The following GRK3 variants were observed in gnomAD, a reference collection of about 807,000 sequenced individuals.
The protein encoded by GRK3 is adrenergic, beta, receptor kinase 2.
Under a neutral mutation model 95.7 loss-of-function variants are expected in GRK3, and 54 were observed. The observed-to-expected ratio is 0.56, with a 90% CI of 0.45 to 0.71. The LOEUF is 0.71. Ranked by LOEUF, GRK3 falls within the 30% of genes least tolerant of loss-of-function variation. The pLI, the probability that GRK3 is intolerant of heterozygous loss-of-function variation, is 0.00. For synonymous variants in GRK3, 281 were observed against 290.8 expected, an observed-to-expected ratio of 0.97 and a Z score of 0.34; for missense variants, 649 against 851.2, an observed-to-expected ratio of 0.76 and a Z score of 2.96.
At chr22:25,620,915 A>T (rs2084580497) in intron 2 of GRK3, among the ~76,000 whole-genome samples, 1 of 152,252 alleles carries the variant, frequency 6.6e-6, no homozygotes, top group African/African-American at 2.4e-5. Context: ...GAATTCCATC[A>T]AGAAGACTGG....
In GRK3 at chr22:25,616,544, A is replaced by T. The variant is rs187541002; in HGVS notation, c.190+12091A>T. Among the ~76,000 whole-genome samples the T allele has an allele frequency of 9.9e-5, 15 of 152,244 alleles. No homozygotes were observed. In the East Asian group the frequency reaches 2.7e-3, roughly 27 times the overall value. ...CCAGGCCCCTCCTTCAACATTGGGG[A>T]TTATAATTCAACATGGGATTTGGGC... On this transcript the variant is annotated intron_variant, in intron 2 of 20. Transcript: ENST00000324198.
chr22:25,683,080 A>G (rs116478102), intron 9 of GRK3, among the ~76,000 whole-genome samples: 312 of 152,396 alleles, frequency 2.0e-3, no homozygotes, highest in African/African-American at 7.1e-3. Flanking sequence ...TATAGAGCCC[A>G]TTACCTAAGA....
At chr22:25,713,534 T>A (rs2085360519) in intron 17 of GRK3, among the ~76,000 whole-genome samples, 1 of 152,202 alleles carries the variant, frequency 6.6e-6, no homozygotes, top group African/African-American at 2.4e-5. Flanking sequence ...CCCTTCTCAG[T>A]ATTTTGCCTG....
intron 3 of GRK3, among the ~76,000 whole-genome samples, chr22:25,658,917 A>T (rs922302573): frequency 6.6e-6 from 1 of 152,098 alleles, no homozygotes; most frequent in Non-Finnish European, 1.5e-5. Context: ...TAAGGGTTTC[A>T]TTTAGATGTG....
rs188228651 is a variant in GRK3 at position 25,577,241 on chromosome 22, C to T, written c.113+12088C>T. Among the ~76,000 whole-genome samples the T allele has an allele frequency of 8.6e-5, 13 of 151,388 alleles. 1 individual carries two copies. The East Asian group carries it at 1.9e-3, about 23-fold the overall frequency. On this transcript the variant is annotated intron_variant, in intron 1 of 20. Transcript: ENST00000324198. Reference sequence around the variant, plus strand: ...AGGCTGGAGTGCAGCGGTGTGATCTCGGCTCACTGTAACCTCCGCCTCCCA... The same window carrying T: ...AGGCTGGAGTGCAGCGGTGTGATCTTGGCTCACTGTAACCTCCGCCTCCCA...
chr22:25,645,141 G>C (rs890313813), intron 3 of GRK3, among the ~76,000 whole-genome samples: 4 of 152,134 alleles, frequency 2.6e-5, no homozygotes, highest in African/African-American at 9.7e-5. Context: ...AAGAAATTTG[G>C]TGAAATCTGA....
At chr22:25,712,776 A>C (rs1412029740) in intron 17 of GRK3, among the ~76,000 whole-genome samples, 1 of 152,218 alleles carries the variant, frequency 6.6e-6, no homozygotes, top group Non-Finnish European at 1.5e-5. Context: ...ATGCTTGACA[A>C]ACTAGTAGCT....
At chr22:25,582,418 A>C (rs1305547222) in intron 1 of GRK3, among the ~76,000 whole-genome samples, 1 of 152,212 alleles carries the variant, frequency 6.6e-6, no homozygotes, top group African/African-American at 2.4e-5. Flanking sequence ...ACATATTTCT[A>C]GACAGGAAAA....
At chr22:25,609,838 A>AT (rs1355513991) in intron 2 of GRK3, among the ~76,000 whole-genome samples, 2 of 144,244 alleles carry the variant, frequency 1.4e-5, no homozygotes, top group Admixed American at 6.9e-5. Flanking sequence ...AAACTTTGCA[A>AT]TTTTTACTTT....
chr22:25,628,559 A>G (rs919022043), intron 2 of GRK3, among the ~76,000 whole-genome samples: 1 of 152,266 alleles, frequency 6.6e-6, no homozygotes, highest in Non-Finnish European at 1.5e-5. Context: ...TCTCCAAGGC[A>G]TAGTGTTTTG....
At chr22:25,652,852 A>T (rs2084843641) in intron 3 of GRK3, among the ~76,000 whole-genome samples, 1 of 152,150 alleles carries the variant, frequency 6.6e-6, no homozygotes, top group Non-Finnish European at 1.5e-5. Context: ...TATACTTACC[A>T]TTGTGTTACA....
chr22:25,681,449 C>T (rs2085073368), intron 9 of GRK3, among the ~76,000 whole-genome samples: 1 of 151,616 alleles, frequency 6.6e-6, no homozygotes, highest in African/African-American at 2.4e-5. Context: ...CTCCTCTGAG[C>T]CCAGGCACGT....
intron 1 of GRK3, among the ~76,000 whole-genome samples, chr22:25,572,384 G>A (rs1434697891): frequency 6.6e-6 from 1 of 152,164 alleles, no homozygotes; most frequent in Non-Finnish European, 1.5e-5. Context: ...GTAATGGGAT[G>A]GCTGGGTCAA....
At chr22:25,669,994 G>A (rs887056390) in intron 6 of GRK3, among the ~76,000 whole-genome samples, 1 of 152,148 alleles carries the variant, frequency 6.6e-6, no homozygotes, top group Non-Finnish European at 1.5e-5. Flanking sequence ...TTAAAAAATA[G>A]GTTGAAATAA....
intron 18 of GRK3, among the ~76,000 whole-genome samples, chr22:25,715,819 A>G (rs1168858026): frequency 6.6e-6 from 1 of 152,212 alleles, no homozygotes; most frequent in Admixed American, 6.5e-5. Flanking sequence ...GCATCTTGGT[A>G]TAGGATTCCT....
intron 2 of GRK3, among the ~76,000 whole-genome samples, chr22:25,639,363 A>C (rs2084726663): frequency 6.6e-6 from 1 of 152,166 alleles, no homozygotes; most frequent in African/African-American, 2.4e-5. Context: ...AATTCTTTAT[A>C]AGGTGTGAGG....
At chr22:25,700,718 G>A (rs2085251859) in intron 13 of GRK3, among the ~76,000 whole-genome samples, 1 of 152,118 alleles carries the variant, frequency 6.6e-6, no homozygotes, top group Non-Finnish European at 1.5e-5. Context: ...CTCCCGAGTA[G>A]CTGGGACTAC....
At chr22:25,570,116 T>C (rs1350881111) in intron 1 of GRK3, among the ~76,000 whole-genome samples, 2 of 152,200 alleles carry the variant, frequency 1.3e-5, no homozygotes, top group East Asian at 3.8e-4. Context: ...TTTCGTACTC[T>C]CCCGATCAGC....
chr22:25,669,622 G>T (rs957703527), intron 6 of GRK3, among the ~76,000 whole-genome samples: 2 of 152,132 alleles, frequency 1.3e-5, no homozygotes, highest in African/African-American at 4.8e-5. Flanking sequence ...CCTGTCAAAA[G>T]TGTCCCACTC....
Sources: allele counts gnomAD v4.1 joint callset (sites outside exome capture counted in the v4.1 genomes callset), GRCh38; gene constraint gnomAD v4.1.1; transcripts MANE v1.5; gene names NCBI Gene and HGNC (gene_info 2026-07-23, HGNC 2026-07-21).